Variants in CLVS1 observed in about 807,000 individuals in gnomAD.
CLVS1 encodes the protein clavesin 1.
Under a neutral mutation model 33.1 loss-of-function variants are expected in CLVS1, and 10 were observed. That is an observed-to-expected ratio of 0.30 (90% CI 0.19 to 0.51). The LOEUF is 0.51. Ranked by LOEUF, CLVS1 falls within the 20% of genes least tolerant of loss-of-function variation. The probability of loss-of-function intolerance (pLI) is 0.97; values close to 1 mark genes in which losing one functional copy is unlikely to be tolerated. For missense variants in CLVS1, 343 were observed against 433.4 expected, an observed-to-expected ratio of 0.79 and a Z score of 1.85; for synonymous variants, 163 against 166.1, an observed-to-expected ratio of 0.98 and a Z score of 0.14.
chr8:61,121,980 A>G (rs1364954807), intron 1 of CLVS1, among the ~76,000 whole-genome samples: 2 of 152,252 alleles, frequency 1.3e-5, no homozygotes, highest in Admixed American at 6.5e-5. Context: ...AGTGGGAGGT[A>G]AAGAATTAGA....
intron 2 of CLVS1, among the ~76,000 whole-genome samples, chr8:61,176,609 C>G (rs752325550): frequency 6.6e-6 from 1 of 151,980 alleles, no homozygotes; most frequent in Non-Finnish European, 1.5e-5. Context: ...AAAGAGTGTG[C>G]GAATCCTGCA....
intron 3 of CLVS1, among the ~76,000 whole-genome samples, chr8:61,412,310 A>G (rs898499689): frequency 3.9e-5 from 6 of 152,232 alleles, no homozygotes; most frequent in African/African-American, 1.4e-4. Context: ...CCACAGAAAC[A>G]CAGGGACAGG....
chr8:61,343,037 C>T (rs1041859758), intron 2 of CLVS1, among the ~76,000 whole-genome samples: 8 of 152,156 alleles, frequency 5.3e-5, no homozygotes, highest in Non-Finnish European at 7.4e-5. Context: ...GAGTGATTTT[C>T]GTATCTCTAC....
Position 61,499,643 on chromosome 8 carries a change from T to C in CLVS1, c.*101T>C, listed in dbSNP as rs1400208505. The C allele has an allele frequency of 2.5e-6, 2 of 796,296 alleles. No homozygotes were observed. Among genetic ancestry groups the C allele is most frequent in the African/African-American group, 1.7e-5 (1 of 58,902 alleles). 49.3% of individuals were successfully genotyped at this position (796,296 alleles called of 1,614,324 possible). On this transcript the variant is annotated 3_prime_UTR_variant, in exon 6 of 6. Transcript: ENST00000325897. ...ACCCATGCAGACACGTGTGTTCTGC[T>C]TGACACAAGGTCCTCCACTCCTGAA...
chr8:61,123,846 G>C (rs536242640), intron 1 of CLVS1, among the ~76,000 whole-genome samples: 172 of 152,290 alleles, frequency 1.1e-3, no homozygotes, highest in Non-Finnish European at 1.9e-3. Flanking sequence ...CATTTTCTTT[G>C]CAACAGTCTG....
At chr8:61,269,526 T>G (rs1164296374) in intron 2 of CLVS1, among the ~76,000 whole-genome samples, 3 of 151,976 alleles carry the variant, frequency 2.0e-5, no homozygotes, top group Admixed American at 6.6e-5. Context: ...ATATGAACTT[T>G]AAAGTAGTTT....
chr8:61,063,309 G>GA (rs1421660471), intron 1 of CLVS1, among the ~76,000 whole-genome samples: 1 of 148,808 alleles, frequency 6.7e-6, no homozygotes, highest in Admixed American at 6.7e-5. Context: ...GAGAGAGAGA[G>GA]AACAGTCATT....
At chr8:61,224,883 C>T (rs903887462) in intron 2 of CLVS1, among the ~76,000 whole-genome samples, 3 of 152,234 alleles carry the variant, frequency 2.0e-5, no homozygotes, top group Admixed American at 2.0e-4. Flanking sequence ...GGCTCAGACT[C>T]TCTCACAATA....
chr8:61,361,720 A>C (rs951062447), intron 2 of CLVS1, among the ~76,000 whole-genome samples: 1 of 152,140 alleles, frequency 6.6e-6, no homozygotes. Context: ...CAGGCCAACT[A>C]TCCCATGTGG....
At chr8:61,310,805 C>A (rs1810805333) in intron 2 of CLVS1, among the ~76,000 whole-genome samples, 1 of 152,164 alleles carries the variant, frequency 6.6e-6, no homozygotes, top group Non-Finnish European at 1.5e-5. Flanking sequence ...TAATCTAAGC[C>A]TGATTTAAGA....
At chr8:61,396,311 T>C (rs957241295) in intron 3 of CLVS1, among the ~76,000 whole-genome samples, 9 of 152,186 alleles carry the variant, frequency 5.9e-5, no homozygotes, top group Admixed American at 2.6e-4. Context: ...GTAATTTGAA[T>C]ACATATTTTA....
chr8:61,475,012 G>A, intron 5 of CLVS1, among the ~76,000 whole-genome samples: 1 of 152,082 alleles, frequency 6.6e-6, no homozygotes. Context: ...TGTTCTCATT[G>A]TTCAATTCCC....
At chr8:61,481,047 G>T (rs992597591) in intron 5 of CLVS1, among the ~76,000 whole-genome samples, 4 of 152,118 alleles carry the variant, frequency 2.6e-5, no homozygotes, top group African/African-American at 9.7e-5. Context: ...TGCATTCTTG[G>T]TTTAGAGGAA....
intron 5 of CLVS1, among the ~76,000 whole-genome samples, chr8:61,490,810 T>C (rs1261690213): frequency 6.6e-6 from 1 of 151,510 alleles, no homozygotes; most frequent in African/African-American, 2.4e-5. Flanking sequence ...AATACAAAAT[T>C]AGCTGAGCGT....
intron 2 of CLVS1, among the ~76,000 whole-genome samples, chr8:61,188,785 A>G (rs935974498): frequency 2.6e-5 from 4 of 152,072 alleles, no homozygotes; most frequent in Non-Finnish European, 2.9e-5. Flanking sequence ...CATTCAATTC[A>G]GAAAAATAAT....
At chr8:60,990,475 ATGGGTGG>A in the CLVS1 span, among the ~76,000 whole-genome samples, 1 of 152,100 alleles carries the variant, frequency 6.6e-6, no homozygotes, top group Admixed American at 6.6e-5. Flanking sequence ...CCCAGGGTGG[ATGGGTGG>A]TGGGGATGGG....
rs2129609094 is a variant in CLVS1 at position 61,499,913 on chromosome 8, T to C, written c.*371T>C. On this transcript the variant is annotated 3_prime_UTR_variant, in exon 6 of 6. Transcript: ENST00000325897. ...ATCACACAGGGACCCTCTCCAGTTT[T>C]TGAAAATTAAGTGCATTTCCAAGTA... 5.8e-6 allele frequency: 1 copy of C among 173,344 alleles called. No individual in the cohort carries two copies. The allele number at this position is 173,344 out of a possible 1,614,324, so 10.7% of individuals were successfully genotyped here. A position where few individuals can be genotyped will look rare whatever the true frequency, so the allele number is the denominator to read the frequency against.
chr8:61,068,909 C>T (rs542059172), intron 1 of CLVS1, among the ~76,000 whole-genome samples: 3 of 152,314 alleles, frequency 2.0e-5, no homozygotes, highest in East Asian at 3.9e-4. Flanking sequence ...TAGATTTCTA[C>T]TCCAGCCTGA....
chr8:61,456,651 T>A (rs1186275205), intron 4 of CLVS1, among the ~76,000 whole-genome samples: 1 of 152,032 alleles, frequency 6.6e-6, no homozygotes, highest in Admixed American at 6.5e-5. Flanking sequence ...GCGCGGTGGC[T>A]CACGCCTGTA....
Sources: gnomAD v4.1 joint callset for allele counts (sites outside exome capture counted in the v4.1 genomes callset) on GRCh38, gnomAD v4.1.1 for gene constraint, MANE v1.5 for transcripts, NCBI Gene and HGNC (gene_info 2026-07-23, HGNC 2026-07-21) for gene names.